LUZP2: variants seen among roughly 807,000 people sequenced by gnomAD.
The protein encoded by LUZP2 is leucine zipper protein 2.
Under a neutral mutation model 51.6 loss-of-function variants are expected in LUZP2, and 52 were observed. The ratio of observed to expected loss-of-function variants is 1.01; its 90% CI spans 0.81 to 1.27. The LOEUF (loss-of-function observed/expected upper bound fraction) is 1.27, where lower values mean the gene tolerates loss of function less well. LUZP2 is among the 50% of genes most tolerant of loss of function. The pLI, the probability that LUZP2 is intolerant of heterozygous loss-of-function variation, is 0.00. For synonymous variants in LUZP2, 154 were observed against 137.3 expected (o/e 1.12, Z -0.85); for missense variants, 436 against 395.4 (o/e 1.10, Z -0.87).
At chr11:24,662,656 T>C (rs1276069477) in intron 1 of LUZP2, among the ~76,000 whole-genome samples, 6 of 152,078 alleles carry the variant, frequency 3.9e-5, no homozygotes, top group Non-Finnish European at 8.8e-5. Context: ...AAATTAAGAA[T>C]TCATACACAG....
chr11:24,952,430 A>G (rs1324835768), intron 7 of LUZP2, among the ~76,000 whole-genome samples: 1 of 151,744 alleles, frequency 6.6e-6, no homozygotes, highest in Non-Finnish European at 1.5e-5. Flanking sequence ...ATAATAATAT[A>G]TGTAGTATAT....
chr11:24,886,019 G>A (rs1852657839), intron 5 of LUZP2, among the ~76,000 whole-genome samples: 1 of 152,014 alleles, frequency 6.6e-6, no homozygotes, highest in South Asian at 2.1e-4. Context: ...GCCACCAGTA[G>A]GATAATGCCA....
At chr11:24,571,935 T>C (rs1852457514) in intron 1 of LUZP2, among the ~76,000 whole-genome samples, 1 of 152,096 alleles carries the variant, frequency 6.6e-6, no homozygotes, top group African/African-American at 2.4e-5. Flanking sequence ...TGTGTTACTC[T>C]TTCCATATTT....
At chr11:24,978,594 G>A (rs2133907777) in intron 8 of LUZP2, among the ~76,000 whole-genome samples, 1 of 151,492 alleles carries the variant, frequency 6.6e-6, no homozygotes. Context: ...TGCCTTTTTT[G>A]TGGCCATCCT....
intron 4 of LUZP2, among the ~76,000 whole-genome samples, chr11:24,749,374 C>A (rs1292421593): frequency 6.6e-6 from 1 of 152,140 alleles, no homozygotes; most frequent in African/African-American, 2.4e-5. Context: ...TGGTTATACG[C>A]CCCTGTGATG....
chr11:25,051,195 C>T (rs1263180504), intron 10 of LUZP2, among the ~76,000 whole-genome samples: 1 of 152,066 alleles, frequency 6.6e-6, no homozygotes, highest in East Asian at 1.9e-4. Flanking sequence ...AAATGAATTA[C>T]TCTCCCAACT....
chr11:24,767,625 A>T (rs1296837919), intron 5 of LUZP2, among the ~76,000 whole-genome samples: 4 of 152,108 alleles, frequency 2.6e-5, no homozygotes, highest in African/African-American at 9.7e-5. Context: ...TAAGTTTTTC[A>T]TATGTTTGCA....
intron 1 of LUZP2, among the ~76,000 whole-genome samples, chr11:24,599,762 A>G (rs1853558884): frequency 6.6e-6 from 1 of 152,002 alleles, no homozygotes; most frequent in Non-Finnish European, 1.5e-5. Flanking sequence ...ATATACTGAG[A>G]TATTTGTTAA....
intron 5 of LUZP2, among the ~76,000 whole-genome samples, chr11:24,903,745 A>G (rs1853350428): frequency 6.6e-6 from 1 of 152,234 alleles, no homozygotes; most frequent in Non-Finnish European, 1.5e-5. Flanking sequence ...AGTAAAAGAC[A>G]GAAAAGCCTG....
rs578259174 is a variant in LUZP2 at position 24,695,571 on chromosome 11, A to G, written c.63-33598A>G. ...GTAGTACACGAGAACTTATCTGTCTATCTCACTGTAATTTTTTTACTCATT... is the reference window on the plus strand; with the variant it reads ...GTAGTACACGAGAACTTATCTGTCTGTCTCACTGTAATTTTTTTACTCATT... On this transcript the variant is annotated intron_variant, in intron 1 of 11. Coordinates refer to ENST00000336930, the MANE Select transcript of LUZP2 (RefSeq NM_001009909.4). 3.3e-5 allele frequency among the ~76,000 whole-genome samples: 5 copies of G among 152,174 alleles called. No individual in the cohort carries two copies. In the South Asian group the frequency reaches 1.0e-3, roughly 32 times the overall value.
At chr11:24,588,368 G>A (rs1853143883) in intron 1 of LUZP2, among the ~76,000 whole-genome samples, 1 of 152,094 alleles carries the variant, frequency 6.6e-6, no homozygotes, top group African/African-American at 2.4e-5. Context: ...TGACCACAAT[G>A]CATGGGCTGA....
chr11:24,846,588 A>G (rs1393347792), intron 5 of LUZP2, among the ~76,000 whole-genome samples: 1 of 152,152 alleles, frequency 6.6e-6, no homozygotes, highest in East Asian at 1.9e-4. Flanking sequence ...GTTGTCTATT[A>G]AAGAGAATGA....
At position 25,024,910 on chromosome 11, in the gene LUZP2, AATAACCAAAACAGCATG is replaced by A. The variant is rs1172558564; in HGVS notation, c.766-25127_766-25111del. 2.5e-3 allele frequency among the ~76,000 whole-genome samples: 369 copies of A among 150,514 alleles called. 1 individual carries two copies. Among genetic ancestry groups the A allele is most frequent in the African/African-American group, 8.4e-3 (340 of 40,512 alleles). ...ATTTCAAACTATACTACAAGGCTAC[AATAACCAAAACAGCATG>A]GTACTGGTACCAAAACAGAGATATA... On this transcript the variant is annotated intron_variant, in intron 9 of 11. Transcript: ENST00000336930.
chr11:24,610,430 G>A (rs192984786), intron 1 of LUZP2, among the ~76,000 whole-genome samples: 4 of 152,262 alleles, frequency 2.6e-5, no homozygotes, highest in East Asian at 1.9e-4. Context: ...GACATTTTCC[G>A]TTAAGGAACT....
chr11:24,651,895 G>T (rs1175660460), intron 1 of LUZP2, among the ~76,000 whole-genome samples: 1 of 152,114 alleles, frequency 6.6e-6, no homozygotes, highest in Non-Finnish European at 1.5e-5. Flanking sequence ...TCAGCCTACA[G>T]TCTACCTTGT....
At chr11:24,623,124 T>C (rs555670630) in intron 1 of LUZP2, among the ~76,000 whole-genome samples, 4 of 151,314 alleles carry the variant, frequency 2.6e-5, no homozygotes, top group East Asian at 3.9e-4. Context: ...CACAGAGAGA[T>C]TGAGAGAGAG....
In LUZP2 at chr11:24,713,853, C is replaced by T. The variant is rs142254654; in HGVS notation, c.63-15316C>T. ...ATAGGCGTGCAGCACCATGCCTGGC[C>T]ATTTTTTTTTTTTTTTTTTTTTTGT... On this transcript the variant is annotated intron_variant, in intron 1 of 11. Coordinates refer to ENST00000336930, the MANE Select transcript of LUZP2 (RefSeq NM_001009909.4). Among the ~76,000 whole-genome samples the T allele has an allele frequency of 2.1e-3, 215 of 103,442 alleles. 1 individual carries two copies. Among genetic ancestry groups the T allele is most frequent in the Non-Finnish European group, 3.1e-3 (163 of 53,228 alleles). 67.9% of individuals were successfully genotyped at this position (103,442 alleles called of 152,430 possible). A position where few individuals can be genotyped will look rare whatever the true frequency, so the allele number is the denominator to read the frequency against.
intron 9 of LUZP2, among the ~76,000 whole-genome samples, chr11:25,021,854 T>C (rs1857343319): frequency 1.3e-5 from 2 of 152,068 alleles, no homozygotes; most frequent in Admixed American, 1.3e-4. Flanking sequence ...GATATGAAGC[T>C]ACTACCCTCT....
chr11:24,554,207 A>G (rs1163904357), intron 1 of LUZP2, among the ~76,000 whole-genome samples: 1 of 152,104 alleles, frequency 6.6e-6, no homozygotes, highest in Non-Finnish European at 1.5e-5. Context: ...ACACATTCCG[A>G]TTTTCTAAGG....
Sources: allele counts gnomAD v4.1 joint callset (sites outside exome capture counted in the v4.1 genomes callset), GRCh38; gene constraint gnomAD v4.1.1; transcripts MANE v1.5; gene names NCBI Gene and HGNC (gene_info 2026-07-23, HGNC 2026-07-21).